Variants in PRH1 observed in about 807,000 individuals in gnomAD.
The protein encoded by PRH1 is salivary acidic proline-rich phosphoprotein 1/2.
Under a neutral mutation model 7.9 loss-of-function variants are expected in PRH1, and 7 were observed. That is an observed-to-expected ratio of 0.89 (90% CI 0.50 to 1.67). PRH1 has a LOEUF of 1.67. PRH1 is among the 40% of genes most tolerant of loss of function. The pLI is 0.00. For synonymous variants in PRH1, 45 were observed against 80.8 expected (o/e 0.56, Z 2.38); for missense variants, 109 against 223.6 (o/e 0.49, Z 3.27).
chr12:11,088,250 G>A (rs367720012), intron 1 of PRH1, among the ~76,000 whole-genome samples: 43,142 of 95,236 alleles, frequency 0.45, 4,156 homozygotes, highest in Non-Finnish European at 0.53. Context: ...CAGAGGTGGG[G>A]GAATCACTTG....
At chr12:11,015,375 A>G (rs1253232785) in intron 1 of PRH1, among the ~76,000 whole-genome samples, 2 of 152,248 alleles carry the variant, frequency 1.3e-5, no homozygotes, top group Non-Finnish European at 2.9e-5. Flanking sequence ...GTCTCTTCCA[A>G]GTGTACTTTC....
intron 1 of PRH1, among the ~76,000 whole-genome samples, chr12:11,130,336 A>G (rs1344188112): frequency 6.6e-6 from 1 of 152,208 alleles, no homozygotes; most frequent in Non-Finnish European, 1.5e-5. Context: ...CCTAGTCCAC[A>G]TGCTGAGACA....
chr12:10,967,211 T>C (rs984697800), intron 2 of PRH1, among the ~76,000 whole-genome samples: 1 of 151,718 alleles, frequency 6.6e-6, no homozygotes, highest in Admixed American at 6.6e-5. Flanking sequence ...GTAACTAAAA[T>C]AAAGTTCCCA....
At chr12:11,002,596 C>A (rs2136022329) in intron 1 of PRH1, among the ~76,000 whole-genome samples, 1 of 152,114 alleles carries the variant, frequency 6.6e-6, no homozygotes, top group East Asian at 1.9e-4. Context: ...TGTATTTTAT[C>A]TTTTAATAGT....
intron 1 of PRH1, among the ~76,000 whole-genome samples, chr12:11,074,780 T>A (rs1246521845): frequency 9.2e-6 from 1 of 108,954 alleles, no homozygotes; most frequent in Non-Finnish European, 2.2e-5. Context: ...TGCCACAAAA[T>A]AACTTTGGCC....
At chr12:11,092,855 A>C (rs1465360917) in intron 1 of PRH1, among the ~76,000 whole-genome samples, 2 of 114,468 alleles carry the variant, frequency 1.7e-5, no homozygotes. Context: ...TTTTACTTTT[A>C]ATTGTTGTGA....
chr12:10,977,945 G>T (rs1185511886), intron 1 of PRH1, among the ~76,000 whole-genome samples: 1 of 152,022 alleles, frequency 6.6e-6, no homozygotes, highest in African/African-American at 2.4e-5. Context: ...CGAGCTCATG[G>T]ATAGAAAGAA....
At chr12:10,959,843 T>G (rs1938153836) in intron 2 of PRH1, among the ~76,000 whole-genome samples, 1 of 152,162 alleles carries the variant, frequency 6.6e-6, no homozygotes, top group Non-Finnish European at 1.5e-5. Flanking sequence ...ACAAGTCTGA[T>G]TGATTAAAGA....
chr12:10,974,947 GA>G (rs1165585952), intron 1 of PRH1, among the ~76,000 whole-genome samples: 5 of 151,534 alleles, frequency 3.3e-5, no homozygotes, highest in African/African-American at 9.7e-5. Flanking sequence ...TTTTAAAAAA[GA>G]AAAAAAAGTG....
At chr12:10,980,682 G>C (rs1939310794) in intron 1 of PRH1, among the ~76,000 whole-genome samples, 1 of 152,136 alleles carries the variant, frequency 6.6e-6, no homozygotes, top group East Asian at 1.9e-4. Context: ...AAGCCCGATT[G>C]ATTAAAGGTT....
At position 11,077,320 on chromosome 12, in the gene PRH1, G is replaced by T. The variant is rs775603085; in HGVS notation, n.124-30132C>A. On this transcript the variant is annotated intron_variant and non_coding_transcript_variant, in intron 1 of 4. Transcript: ENST00000541977. ...GATGCACCCCTTGTGAATCTATGGA[G>T]TTGAGGGTTGCTGTCCTTTCACTAA... 9 of 296,788 alleles carry T rather than the reference G, an allele frequency of 3.0e-5. 1 individual carries two copies. Among genetic ancestry groups the T allele is most frequent in the Non-Finnish European group, 6.1e-5 (9 of 148,148 alleles). 18.4% of individuals were successfully genotyped at this position (296,788 alleles called of 1,614,324 possible). A position where few individuals can be genotyped will look rare whatever the true frequency, so the allele number is the denominator to read the frequency against.
chr12:11,008,956 A>G (rs1196682740), intron 1 of PRH1, among the ~76,000 whole-genome samples: 4 of 152,024 alleles, frequency 2.6e-5, no homozygotes, highest in Admixed American at 2.0e-4. Context: ...TACTTTAACT[A>G]AATTTATTTC....
intron 1 of PRH1, among the ~76,000 whole-genome samples, chr12:11,012,469 T>C (rs1262448554): frequency 6.6e-6 from 1 of 150,854 alleles, no homozygotes; most frequent in Admixed American, 6.6e-5. Flanking sequence ...CTGCTTTCAA[T>C]TTTACATGTT....
intron 1 of PRH1, among the ~76,000 whole-genome samples, chr12:10,998,965 A>G (rs1404879429): frequency 3.3e-5 from 5 of 152,138 alleles, no homozygotes; most frequent in Non-Finnish European, 2.9e-5. Flanking sequence ...CACTGTTCCC[A>G]GAATAAGAAT....
At chr12:11,040,941 G>A (rs1942681962) in intron 1 of PRH1, among the ~76,000 whole-genome samples, 1 of 151,850 alleles carries the variant, frequency 6.6e-6, no homozygotes. Context: ...AAACCTAACA[G>A]CATAGAATGG....
Position 11,148,222 on chromosome 12 carries a change from G to A in PRH1, n.39+23200C>T, listed in dbSNP as rs375131535. 1.5e-4 allele frequency among the ~76,000 whole-genome samples: 23 copies of A among 149,910 alleles called. No homozygotes were observed. In the East Asian group the frequency reaches 4.1e-3, roughly 27 times the overall value. On this transcript the variant is annotated intron_variant and non_coding_transcript_variant, in intron 1 of 1. Coordinates refer to the PRH1 transcript ENST00000541175. ...TGGGATTTTCTAGATATACAATCAT[G>A]TCGTCTGCAAACAGGGACAATTTGA...
rs369196880 is a variant in PRH1, at chr12:11,009,719, T to C, written c.-125-35998A>G. The stretch of plus-strand genomic sequence containing the variant: ...TTAATTTGATGTGAGTAGCTTTTTC[T>C]GGAAAACAGCTTGTCTGTTGCTGGG... On this transcript the variant is annotated intron_variant, in intron 1 of 3. Transcript: ENST00000539853. 4.1e-4 allele frequency among the ~76,000 whole-genome samples: 63 copies of C among 152,100 alleles called. No individual in the cohort carries two copies. In the South Asian group the frequency reaches 0.013, roughly 31 times the overall value.
chr12:10,909,924 A>G (rs1420823585), intron 2 of PRH1, among the ~76,000 whole-genome samples: 1 of 152,200 alleles, frequency 6.6e-6, no homozygotes, highest in Non-Finnish European at 1.5e-5. Context: ...TCCCTGCCTC[A>G]TCACTACTTA....
chr12:11,085,607 T>C (rs1944660457), intron 1 of PRH1, among the ~76,000 whole-genome samples: 1 of 116,266 alleles, frequency 8.6e-6, no homozygotes, highest in Non-Finnish European at 2.0e-5. Flanking sequence ...GGGCATGCTA[T>C]TGAATGAGTT....
Sources: gnomAD v4.1 joint callset for allele counts (sites outside exome capture counted in the v4.1 genomes callset) on GRCh38, gnomAD v4.1.1 for gene constraint, MANE v1.5 for transcripts, NCBI Gene and HGNC (gene_info 2026-07-23, HGNC 2026-07-21) for gene names.